The following GRHL2 variants were observed in gnomAD, a reference collection of about 807,000 sequenced individuals.
The protein encoded by GRHL2 is grainyhead-like protein 2 homolog.
In GRHL2, 21 loss-of-function variants were observed where a neutral mutation model predicts 83.8. The ratio of observed to expected loss-of-function variants is 0.25; its 90% confidence interval spans 0.18 to 0.36. The LOEUF is 0.36. Ranked by LOEUF, GRHL2 falls within the 10% of genes least tolerant of loss-of-function variation. GRHL2 has a pLI of 1.00. For synonymous variants in GRHL2, 280 were observed against 278.9 expected, an observed-to-expected ratio of 1.00 and a Z score of -0.04; for missense variants, 623 against 781.8, an observed-to-expected ratio of 0.80 and a Z score of 2.42.
intron 8 of GRHL2, among the ~76,000 whole-genome samples, chr8:101,605,698 T>G (rs1812619502): frequency 6.6e-6 from 1 of 152,216 alleles, no homozygotes; most frequent in African/African-American, 2.4e-5. Context: ...TGCATATCAT[T>G]GACCGGAACT....
At chr8:101,526,446 A>G (rs1318914656) in intron 1 of GRHL2, among the ~76,000 whole-genome samples, 1 of 151,856 alleles carries the variant, frequency 6.6e-6, no homozygotes, top group African/African-American at 2.4e-5. Flanking sequence ...AATTATATCC[A>G]TTAACCTCAT....
downstream of GRHL2, among the ~76,000 whole-genome samples, chr8:101,674,546 T>G (rs1224144260): frequency 6.6e-6 from 1 of 152,132 alleles, no homozygotes; most frequent in Non-Finnish European, 1.5e-5. Context: ...TAACAGGCTC[T>G]GAAATTGAGG....
intron 1 of GRHL2, chr8:101,529,096 A>T: frequency 2.6e-6 from 1 of 383,180 alleles, no homozygotes. Context: ...AGGGATTTCT[A>T]TGGGGCTTTG....
intron 1 of GRHL2, among the ~76,000 whole-genome samples, chr8:101,542,548 C>T (rs927335131): frequency 6.9e-5 from 9 of 129,716 alleles, no homozygotes; most frequent in African/African-American, 1.4e-4. Flanking sequence ...AGTGAAACTC[C>T]GTCTCAGAAA....
intron 9 of GRHL2, among the ~76,000 whole-genome samples, chr8:101,621,033 A>G (rs1339113834): frequency 6.6e-6 from 1 of 152,214 alleles, no homozygotes; most frequent in East Asian, 1.9e-4. Context: ...GACGGGATAC[A>G]GAGTAGGCAG....
intron 10 of GRHL2, among the ~76,000 whole-genome samples, 187 bp downstream of exon 10, chr8:101,631,911 A>G (rs1340671741): frequency 2.0e-5 from 3 of 152,202 alleles, no homozygotes; most frequent in African/African-American, 4.8e-5. Flanking sequence ...TCACATGAGC[A>G]CAGTGTGTTT....
chr8:101,552,088 G>A (rs1204278957), intron 2 of GRHL2, among the ~76,000 whole-genome samples: 1 of 152,006 alleles, frequency 6.6e-6, no homozygotes, highest in African/African-American at 2.4e-5. Flanking sequence ...GCCCGCCTTG[G>A]CCTCCCAAAG....
intron 7 of GRHL2, among the ~76,000 whole-genome samples, chr8:101,594,660 G>A (rs1198746629): frequency 6.6e-6 from 1 of 152,232 alleles, no homozygotes; most frequent in Non-Finnish European, 1.5e-5. Context: ...TGAACACAAA[G>A]GGTAGAGATG....
intron 7 of GRHL2, among the ~76,000 whole-genome samples, chr8:101,594,311 C>G (rs1812349649): frequency 6.6e-6 from 1 of 152,122 alleles, no homozygotes; most frequent in Non-Finnish European, 1.5e-5. Flanking sequence ...AGGAAATTGG[C>G]ACAGCAGCTC....
chr8:101,558,647 T>G lies in GRHL2; in HGVS notation c.513T>G (p.Pro171=). 2 of 1,614,194 alleles carry G rather than the reference T, an allele frequency of 1.2e-6. No homozygotes were observed. Among genetic ancestry groups the G allele is most frequent in the South Asian group, 1.1e-5 (1 of 91,076 alleles). The part of the protein sequence containing the change: ...EDFTPVFMAP[P]VHYPRGDGEE... ...TCACACCAGTTTTCATGGCCCCACC[T>G]GTGCACTATCCCCGGGGAGATGGGG... The change falls in exon 4 of 16, where the codon CCT becomes CCG. Residue 171 remains proline (P), a synonymous_variant. Coordinates refer to ENST00000646743, the MANE Select transcript of GRHL2 (RefSeq NM_024915.4).
chr8:101,499,118 G>A (rs1447054698), intron 1 of GRHL2, among the ~76,000 whole-genome samples: 1 of 151,358 alleles, frequency 6.6e-6, no homozygotes, highest in Non-Finnish European at 1.5e-5. Context: ...ATACACAGAA[G>A]CATTTAAACA....
chr8:101,513,531 G>A (rs551953777), intron 1 of GRHL2, among the ~76,000 whole-genome samples: 5 of 102,976 alleles, frequency 4.9e-5, no homozygotes, highest in East Asian at 6.0e-4. Flanking sequence ...TTTTGCTCTT[G>A]TCACCTAGGC....
intron 8 of GRHL2, among the ~76,000 whole-genome samples, chr8:101,609,394 G>A (rs1169150788): frequency 6.0e-5 from 9 of 150,924 alleles, no homozygotes; most frequent in Admixed American, 5.3e-4. Flanking sequence ...TGGGGGTGAG[G>A]CCCTTTAACC....
chr8:101,673,754 AT>A (rs1260562797), downstream of GRHL2, among the ~76,000 whole-genome samples: 1 of 151,898 alleles, frequency 6.6e-6, no homozygotes, highest in African/African-American at 2.4e-5. Context: ...CAGAATATAC[AT>A]TTTTTTCAGC....
intron 14 of GRHL2, among the ~76,000 whole-genome samples, chr8:101,661,190 G>A (rs1423964312): frequency 1.3e-5 from 2 of 152,286 alleles, no homozygotes; most frequent in South Asian, 2.1e-4. Flanking sequence ...TGTTTTATGT[G>A]TGGCCCAAGA....
In GRHL2 at chr8:101,669,254, C is replaced by CTTTTTTTCTTTTTTTTTT. The variant is rs538261454; in HGVS notation, c.*2558_*2559insCTTTTTTTTTTTTTTTTT. The CTTTTTTTCTTTTTTTTTT allele has an allele frequency of 7.9e-6, 1 of 126,626 alleles. No homozygotes were observed. The highest frequency in any genetic ancestry group is 2.8e-5 in the African/African-American group (1 of 35,560). The allele number at this position is 126,626 out of a possible 1,614,324, so 7.8% of individuals were successfully genotyped here. ...GGACATGTGAAATGAGCATTTTTTT[C>CTTTTTTTCTTTTTTTTTT]TTTTTTTTTTTTAACAAAGTCTGAA... On this transcript the variant is annotated 3_prime_UTR_variant, in exon 16 of 16. Transcript: ENST00000646743.
chr8:101,523,057 C>A (rs1448984860), intron 1 of GRHL2, among the ~76,000 whole-genome samples: 1 of 151,586 alleles, frequency 6.6e-6, no homozygotes, highest in East Asian at 1.9e-4. Flanking sequence ...TTACAGGCAC[C>A]CGCCACCATG....
intron 7 of GRHL2, among the ~76,000 whole-genome samples, chr8:101,581,025 G>A (rs1563591130): frequency 6.6e-6 from 1 of 152,120 alleles, no homozygotes; most frequent in Non-Finnish European, 1.5e-5. Flanking sequence ...ACAATTATTC[G>A]AAGCCCTCTC....
In GRHL2 at chr8:101,668,825, A is replaced by C. The variant is rs1233895493; in HGVS notation, c.*2122A>C. On this transcript the variant is annotated 3_prime_UTR_variant, in exon 16 of 16. Coordinates refer to ENST00000646743, the MANE Select transcript of GRHL2 (RefSeq NM_024915.4). Reference sequence around the variant, plus strand: ...GGACTCCAGAGTAGGAAAAAGACAAAAGATTTGGCAGCCTGACACAGGCAA... The same window carrying C: ...GGACTCCAGAGTAGGAAAAAGACAACAGATTTGGCAGCCTGACACAGGCAA... 1 of 152,216 alleles carries C rather than the reference A, an allele frequency of 6.6e-6. No individual in the cohort carries two copies. The highest frequency in any genetic ancestry group is 1.5e-5 in the Non-Finnish European group (1 of 68,044). 9.4% of individuals were successfully genotyped at this position (152,216 alleles called of 1,614,324 possible). A position where few individuals can be genotyped will look rare whatever the true frequency, so the allele number is the denominator to read the frequency against.
Sources: allele counts gnomAD v4.1 joint callset (sites outside exome capture counted in the v4.1 genomes callset), GRCh38; gene constraint gnomAD v4.1.1; transcripts MANE v1.5; gene names NCBI Gene and HGNC (gene_info 2026-07-23, HGNC 2026-07-21).